The following ADD1 variants were observed in gnomAD, a reference collection of about 807,000 sequenced individuals.
ADD1 encodes the protein adducin 1, also known as alpha-adducin.
Under a neutral mutation model 80.5 loss-of-function variants are expected in ADD1, and 24 were observed. The ratio of observed to expected loss-of-function variants is 0.30; its 90% CI spans 0.22 to 0.42. ADD1 has a LOEUF of 0.42. ADD1 is among the 10% of genes least tolerant of loss of function. The pLI, the probability that ADD1 is intolerant of heterozygous loss-of-function variation, is 1.00. For missense variants in ADD1, 948 were observed against 1,019.0 expected (o/e 0.93, Z 0.95); for synonymous variants, 373 against 393.8 (o/e 0.95, Z 0.63).
intron 1 of ADD1, among the ~76,000 whole-genome samples, chr4:2,862,432 A>G (rs1728945552): frequency 6.6e-6 from 1 of 152,228 alleles, no homozygotes; most frequent in Non-Finnish European, 1.5e-5. Context: ...ACCAAAATGT[A>G]ACTGAACTGT....
Position 2,894,082 on chromosome 4 carries a change from G to A in ADD1, c.580G>A (p.Ala194Thr). ...TGGGCTTCTTTACAGTGAAGTGACT[G>A]CATCCAGTTTGGTAAGAATGTCCTT... ...PFGLLYSEVT[A>T]SSLVKINLQG... Residue 194 changes from alanine (A) to threonine (T), a missense_variant, in exon 5 of 16, where the codon GCA becomes ACA. Transcript: ENST00000683351. 1 of 1,613,818 alleles carries A rather than the reference G, an allele frequency of 6.2e-7. No homozygotes were observed. Among genetic ancestry groups the A allele is most frequent in the Non-Finnish European group, 8.5e-7 (1 of 1,179,706 alleles).
chr4:2,868,548 G>A (rs1202001078), intron 1 of ADD1, among the ~76,000 whole-genome samples: 1 of 152,178 alleles, frequency 6.6e-6, no homozygotes, highest in Non-Finnish European at 1.5e-5. Flanking sequence ...ACCTCTTGGA[G>A]CCCTTTGTCC....
chr4:2,900,519 C>A (rs1055657687), intron 9 of ADD1: 1 of 152,206 alleles, frequency 6.6e-6, no homozygotes, highest in African/African-American at 2.4e-5. Flanking sequence ...CAAGTGGGCA[C>A]GTTCCAGCCT....
intron 14 of ADD1, among the ~76,000 whole-genome samples, chr4:2,918,689 T>A (rs976066821): frequency 6.6e-6 from 1 of 152,224 alleles, no homozygotes; most frequent in Non-Finnish European, 1.5e-5. Context: ...ATACATTCCA[T>A]CAATACCTAG....
intron 14 of ADD1, among the ~76,000 whole-genome samples, chr4:2,922,101 G>A (rs1485854798): frequency 6.6e-6 from 1 of 151,980 alleles, no homozygotes; most frequent in Non-Finnish European, 1.5e-5. Flanking sequence ...GCTCAGAGGA[G>A]TTTGTTATTA....
chr4:2,915,631 ACT>A (rs1338400045), intron 14 of ADD1, among the ~76,000 whole-genome samples: 5 of 152,094 alleles, frequency 3.3e-5, no homozygotes, highest in Non-Finnish European at 4.4e-5. Context: ...ACAGAGTGAG[ACT>A]CTGTCTCAAA....
chr4:2,905,225 A>G (rs1253656623), intron 10 of ADD1, 117 bp downstream of exon 10: 1 of 925,222 alleles, frequency 1.1e-6, no homozygotes, highest in African/African-American at 1.7e-5. Flanking sequence ...AACCTTCCTT[A>G]TTCACTTTCT....
At chr4:2,876,707 C>T (rs1375647209) in intron 2 of ADD1, among the ~76,000 whole-genome samples, 1 of 151,960 alleles carries the variant, frequency 6.6e-6, no homozygotes, top group Non-Finnish European at 1.5e-5. Context: ...GGCGTAGTGG[C>T]GGGCGCCTGT....
chr4:2,914,602 T>C, intron 13 of ADD1: 1 of 326,754 alleles, frequency 3.1e-6, no homozygotes, highest in Non-Finnish European at 5.6e-6. Flanking sequence ...AGGTGCTCTG[T>C]GCTCTTGGGT....
At chr4:2,869,531 G>A (rs1225968416) in intron 1 of ADD1, among the ~76,000 whole-genome samples, 1 of 152,196 alleles carries the variant, frequency 6.6e-6, no homozygotes, top group Non-Finnish European at 1.5e-5. Context: ...CTGAGGAACT[G>A]GGGGTTAGGG....
chr4:2,926,205 C>T lies in ADD1; in HGVS notation c.2047+93C>T, dbSNP rs1294759304. 9.0e-7 allele frequency: 1 copy of T among 1,106,192 alleles called. No individual in the cohort carries two copies. Among genetic ancestry groups the T allele is most frequent in the Non-Finnish European group, 1.4e-6 (1 of 727,564 alleles). 68.5% of individuals were successfully genotyped at this position (1,106,192 alleles called of 1,614,324 possible). On this transcript the variant is annotated intron_variant, in intron 15 of 15. Coordinates refer to ENST00000683351, the MANE Select transcript of ADD1 (RefSeq NM_001354761.2). This position sits in a 1 kb window ranked among gnomAD's most constrained non-coding sequence, Gnocchi z 5.0. Reference sequence around the variant, plus strand: ...GTGGCGGGAGTCGTGTTAACAGCAACACGGAAGTGTGTGCTTGCATCAGCG... The same window carrying T: ...GTGGCGGGAGTCGTGTTAACAGCAATACGGAAGTGTGTGCTTGCATCAGCG...
intron 14 of ADD1, among the ~76,000 whole-genome samples, chr4:2,925,800 C>A (rs1440495852): frequency 2.0e-5 from 3 of 152,218 alleles, no homozygotes; most frequent in African/African-American, 7.2e-5. Context: ...AGTTTTGTAT[C>A]TGAAGTTGGT....
chr4:2,928,229 T>C lies in ADD1; in HGVS notation c.2106T>C (p.Thr702=). The C allele has an allele frequency of 6.2e-7, 1 of 1,613,772 alleles. No homozygotes were observed. Among genetic ancestry groups the C allele is most frequent in the South Asian group, 1.1e-5 (1 of 91,064 alleles). The part of the protein sequence containing the change: ...DDSDAATFKP[T]LPDLSPDEPS... ...GTGATGCTGCCACCTTTAAGCCAAC[T>C]CTCCCCGATCTGTCCCCTGATGAAC... is the stretch of plus-strand genomic sequence containing the variant. Residue 702 remains threonine (T), a synonymous_variant, in exon 16 of 16, where the codon ACT becomes ACC. Transcript: ENST00000683351.
At chr4:2,899,867 C>T (rs936463527) in intron 9 of ADD1, 3 of 313,710 alleles carry the variant, frequency 9.6e-6, no homozygotes, top group African/African-American at 6.6e-5. Context: ...CACTCCCTGT[C>T]CACAGCGTGG....
At chr4:2,881,510 G>A (rs1035501055) in intron 2 of ADD1, 2 of 158,798 alleles carry the variant, frequency 1.3e-5, no homozygotes, top group African/African-American at 2.4e-5. Context: ...AGTTTTTTTA[G>A]CTTTTCATGT....
intron 9 of ADD1, chr4:2,899,940 G>T: frequency 8.6e-6 from 2 of 232,040 alleles, no homozygotes; most frequent in South Asian, 5.5e-5. Context: ...GCGGGCTTAT[G>T]GGGCCTGCAG....
intron 1 of ADD1, among the ~76,000 whole-genome samples, chr4:2,869,822 G>A (rs931362455): frequency 6.6e-6 from 1 of 152,108 alleles, no homozygotes; most frequent in East Asian, 1.9e-4. Context: ...CTCTCTTCTT[G>A]GTCTCCTATT....
intron 10 of ADD1, 178 bp from the exon 11 acceptor site, chr4:2,907,565 G>C (rs1469603333): frequency 1.8e-6 from 1 of 567,998 alleles, no homozygotes; most frequent in Non-Finnish European, 3.2e-6. Context: ...TCTTTATGTG[G>C]CTGCATCCTG....
Position 2,881,706 on chromosome 4 carries a change from T to C in ADD1, c.196-192T>C, listed in dbSNP as rs1343599251. Reference sequence around the variant, plus strand: ...GAATTCCTGTTCAGAGTTTTAAGCTTTTATTGTATTAAATTACTTTCTAGA... The same window carrying C: ...GAATTCCTGTTCAGAGTTTTAAGCTCTTATTGTATTAAATTACTTTCTAGA... On this transcript the variant is annotated intron_variant, in intron 2 of 15. Transcript: ENST00000683351. 2.8e-5 allele frequency: 12 copies of C among 434,608 alleles called. No homozygotes were observed. In the East Asian group the frequency reaches 2.9e-4, roughly 11 times the overall value. The allele number at this position is 434,608 out of a possible 1,614,324, so 26.9% of individuals were successfully genotyped here. A position where few individuals can be genotyped will look rare whatever the true frequency, so the allele number is the denominator to read the frequency against.
Sources: allele counts gnomAD v4.1 joint callset (sites outside exome capture counted in the v4.1 genomes callset), GRCh38; gene constraint gnomAD v4.1.1; non-coding constraint Gnocchi (gnomAD v3.1); transcripts MANE v1.5; gene names NCBI Gene and HGNC (gene_info 2026-07-23, HGNC 2026-07-21).